PPARGC1A: variants seen among roughly 807,000 people sequenced by gnomAD.
PPARGC1A encodes the protein peroxisome proliferator-activated receptor gamma coactivator 1-alpha.
Under a neutral mutation model 88.7 loss-of-function variants are expected in PPARGC1A, and 25 were observed. The ratio of observed to expected loss-of-function variants is 0.28; its 90% CI spans 0.21 to 0.39. The LOEUF (loss-of-function observed/expected upper bound fraction) is 0.39. Ranked by LOEUF, PPARGC1A falls within the 10% of genes least tolerant of loss-of-function variation. PPARGC1A has a pLI of 1.00. For missense variants in PPARGC1A, 880 were observed against 968.7 expected (o/e 0.91, Z 1.22); for synonymous variants, 363 against 355.6 (o/e 1.02, Z -0.24).
chr4:24,192,665 A>G, the PPARGC1A span, among the ~76,000 whole-genome samples: 1 of 152,256 alleles, frequency 6.6e-6, no homozygotes, highest in Non-Finnish European at 1.5e-5. Context: ...AAAATATGCA[A>G]ATTACTGTAC....
the PPARGC1A span, among the ~76,000 whole-genome samples, chr4:24,095,405 T>C: frequency 1.3e-5 from 2 of 152,144 alleles, no homozygotes; most frequent in African/African-American, 2.4e-5. Flanking sequence ...ATTGCAGGCA[T>C]AAGCCACCAC....
At chr4:24,217,337 T>C in the PPARGC1A span, among the ~76,000 whole-genome samples, 2 of 152,200 alleles carry the variant, frequency 1.3e-5, no homozygotes, top group South Asian at 2.1e-4. Flanking sequence ...TCCTGTCCTA[T>C]GGTCTTCTTA....
the PPARGC1A span, among the ~76,000 whole-genome samples, chr4:24,215,554 C>CT: frequency 1.3e-5 from 2 of 152,030 alleles, no homozygotes; most frequent in Non-Finnish European, 2.9e-5. Context: ...AGGTTTTGAT[C>CT]TTTTTTTAAA....
chr4:24,453,329 A>C, the PPARGC1A span, among the ~76,000 whole-genome samples: 1 of 152,272 alleles, frequency 6.6e-6, no homozygotes, highest in Non-Finnish European at 1.5e-5. Context: ...ACAGAGGCTA[A>C]GCTTAATAAT....
At chr4:24,461,215 G>A in the PPARGC1A span, among the ~76,000 whole-genome samples, 337 of 152,328 alleles carry the variant, frequency 2.2e-3, no homozygotes, top group African/African-American at 7.6e-3. Context: ...AGCCACAATG[G>A]CCTGCCTAGG....
upstream of PPARGC1A, among the ~76,000 whole-genome samples, chr4:23,905,776 T>C (rs1252898727): frequency 1.3e-5 from 2 of 152,206 alleles, no homozygotes; most frequent in African/African-American, 2.4e-5. Context: ...AGACAAAAGC[T>C]TGTAAGTGGG....
At chr4:23,956,352 C>A in the PPARGC1A span, among the ~76,000 whole-genome samples, 2 of 152,092 alleles carry the variant, frequency 1.3e-5, no homozygotes. Flanking sequence ...GACATTGATG[C>A]TGCTGGTCTT....
the PPARGC1A span, among the ~76,000 whole-genome samples, chr4:24,129,584 T>G: frequency 6.6e-6 from 1 of 152,206 alleles, no homozygotes; most frequent in Admixed American, 6.5e-5. Context: ...GAAGTCAGTG[T>G]GGCAATTCCT....
the PPARGC1A span, among the ~76,000 whole-genome samples, chr4:24,023,194 T>C: frequency 0.017 from 2,629 of 152,288 alleles, 84 homozygotes; most frequent in African/African-American, 0.06. Context: ...TACTGACAAA[T>C]ACTTGCCATA....
chr4:24,417,991 C>T, the PPARGC1A span, among the ~76,000 whole-genome samples: 1 of 151,390 alleles, frequency 6.6e-6, no homozygotes, highest in Non-Finnish European at 1.5e-5. Flanking sequence ...TTTGTTTTTT[C>T]TGTAAGAATA....
At chr4:24,168,697 C>A in the PPARGC1A span, among the ~76,000 whole-genome samples, 2 of 152,030 alleles carry the variant, frequency 1.3e-5, no homozygotes, top group Non-Finnish European at 2.9e-5. Flanking sequence ...GGGACCTAGC[C>A]ACCAACTGAA....
chr4:23,815,438 C>G (rs531581637), intron 7 of PPARGC1A, among the ~76,000 whole-genome samples: 2 of 152,170 alleles, frequency 1.3e-5, no homozygotes, highest in African/African-American at 4.8e-5. Flanking sequence ...TAGAGCACAA[C>G]ATAAGGGAGG....
chr4:24,391,343 G>T, the PPARGC1A span, among the ~76,000 whole-genome samples: 1 of 152,160 alleles, frequency 6.6e-6, no homozygotes, highest in South Asian at 2.1e-4. Context: ...TTTCCCCACT[G>T]GGGTAAATAC....
At chr4:24,221,360 C>T in the PPARGC1A span, among the ~76,000 whole-genome samples, 266 of 152,150 alleles carry the variant, frequency 1.7e-3, 1 homozygote, top group African/African-American at 5.8e-3. Flanking sequence ...AAACCTAAGA[C>T]GTACAATGGT....
chr4:23,894,869 T>C (rs1004993566), upstream of PPARGC1A, among the ~76,000 whole-genome samples: 6 of 152,166 alleles, frequency 3.9e-5, no homozygotes, highest in African/African-American at 1.4e-4. Context: ...TATTTGTGAA[T>C]CCACATTTTC....
chr4:23,850,573 A>G (rs1729105744), intron 2 of PPARGC1A, among the ~76,000 whole-genome samples: 1 of 152,206 alleles, frequency 6.6e-6, no homozygotes, highest in African/African-American at 2.4e-5. Flanking sequence ...GGCCTTGAAG[A>G]AATAAAATCA....
the PPARGC1A span, among the ~76,000 whole-genome samples, chr4:24,188,130 G>A: frequency 8.5e-5 from 13 of 152,116 alleles, no homozygotes; most frequent in Non-Finnish European, 4.4e-5. Flanking sequence ...TAATTCCAAA[G>A]TCATTAAAAT....
At chr4:24,461,981 T>C in the PPARGC1A span, among the ~76,000 whole-genome samples, 2 of 152,218 alleles carry the variant, frequency 1.3e-5, no homozygotes, top group African/African-American at 4.8e-5. Flanking sequence ...CTATCTTCTT[T>C]GCATCCAGGT....
the PPARGC1A span, among the ~76,000 whole-genome samples, chr4:23,971,538 A>T: frequency 6.6e-6 from 1 of 152,210 alleles, no homozygotes; most frequent in African/African-American, 2.4e-5. Context: ...CCCAGAACTC[A>T]AGAACTTAGA....
Sources: gnomAD v4.1 joint callset for allele counts (sites outside exome capture counted in the v4.1 genomes callset) on GRCh38, gnomAD v4.1.1 for gene constraint, MANE v1.5 for transcripts, NCBI Gene and HGNC (gene_info 2026-07-23, HGNC 2026-07-21) for gene names.